TNRC6B: variants seen among roughly 807,000 people sequenced by gnomAD.
TNRC6B encodes trinucleotide repeat-containing gene 6B protein.
In TNRC6B, 52 loss-of-function variants were observed where a neutral mutation model predicts 203.6. The observed-to-expected ratio is 0.26, with a 90% CI of 0.20 to 0.32. TNRC6B has a LOEUF of 0.32. Among genes scored for constraint, TNRC6B ranks in the 10% least tolerant of loss-of-function variants. TNRC6B has a pLI of 1.00. For synonymous variants in TNRC6B, 838 were observed against 845.7 expected, an observed-to-expected ratio of 0.99 and a Z score of 0.16; for missense variants, 1,923 against 2,286.2, an observed-to-expected ratio of 0.84 and a Z score of 3.24.
Position 40,266,527 on chromosome 22 carries a change from G to T in TNRC6B, c.2297G>T (p.Ser766Ile), listed in dbSNP as rs1285359679. 6.2e-7 allele frequency: 1 copy of T among 1,613,712 alleles called. No individual in the cohort carries two copies. The highest frequency in any genetic ancestry group is 1.7e-5 in the Admixed American group (1 of 59,974). ...TKNSNWESSA[S>I]KPVSGWGEGG... ...AACAGCAATTGGGAAAGTTCTGCAA[G>T]TAAACCTGTGTCTGGGTGGGGTGAA... Residue 766 changes from serine (S) to isoleucine (I), a missense_variant, in exon 5 of 23, where the codon AGT becomes ATT. Physicochemically the swap from Ser to Ile is moderately radical, Grantham distance 142. Transcript: ENST00000454349.
Position 40,327,650 on chromosome 22 carries a change from G to A in TNRC6B, c.*4409G>A, listed in dbSNP as rs2071420159. 1 of 152,166 alleles carries A rather than the reference G, an allele frequency of 6.6e-6. No individual in the cohort carries two copies. The highest frequency in any genetic ancestry group is 2.4e-5 in the African/African-American group (1 of 41,424). The allele number at this position is 152,166 out of a possible 1,614,324, so 9.4% of individuals were successfully genotyped here. A position where few individuals can be genotyped will look rare whatever the true frequency, so the allele number is the denominator to read the frequency against. ...GATATGGTGAGGATGTCATGGAAGA[G>A]AAGAGCTCTTTCCGTGGTATTCTTT... On this transcript the variant is annotated 3_prime_UTR_variant, in exon 23 of 23. Transcript: ENST00000454349.
intron 1 of TNRC6B, among the ~76,000 whole-genome samples, chr22:40,112,175 C>A (rs1411747299): frequency 6.6e-6 from 1 of 151,908 alleles, no homozygotes; most frequent in African/African-American, 2.4e-5. Flanking sequence ...AGGAATACAC[C>A]AGTAATGAAA....
chr22:40,308,734 C>G lies in TNRC6B; in HGVS notation c.4258+85C>G, dbSNP rs565785090. 2.1e-6 allele frequency: 3 copies of G among 1,462,620 alleles called. No homozygotes were observed. The African/African-American group carries it at 4.3e-5, about 21-fold the overall frequency. The allele number at this position is 1,462,620 out of a possible 1,614,324, so 90.6% of individuals were successfully genotyped here. On this transcript the variant is annotated intron_variant, in intron 16 of 22. Coordinates refer to ENST00000454349, the MANE Select transcript of TNRC6B (RefSeq NM_001162501.2). ...TATAAGACTATTTTGAAGTACAGAA[C>G]TTGGTATTCATTTTCCTTGTGAATC...
intron 1 of TNRC6B, among the ~76,000 whole-genome samples, chr22:40,084,384 A>C (rs1053021788): frequency 6.6e-6 from 1 of 152,192 alleles, no homozygotes; most frequent in African/African-American, 2.4e-5. Context: ...AGGTCCTTCG[A>C]GCTGAGCAGT....
chr22:40,203,059 A>T (rs1374271173), intron 1 of TNRC6B, among the ~76,000 whole-genome samples: 1 of 152,146 alleles, frequency 6.6e-6, no homozygotes. Context: ...GCATTAGCTC[A>T]GTAGCAGGTT....
intron 1 of TNRC6B, among the ~76,000 whole-genome samples, chr22:40,245,311 G>A (rs2070090987): frequency 6.6e-6 from 1 of 151,802 alleles, no homozygotes; most frequent in Non-Finnish European, 1.5e-5. Flanking sequence ...GGCTGGTCTC[G>A]AACTCCTGAC....
chr22:40,258,330 G>A (rs1247799457), intron 3 of TNRC6B, among the ~76,000 whole-genome samples: 1 of 152,010 alleles, frequency 6.6e-6, no homozygotes, highest in Non-Finnish European at 1.5e-5. Flanking sequence ...TCTGGACCAT[G>A]ATGATGGGTG....
intron 1 of TNRC6B, among the ~76,000 whole-genome samples, chr22:40,060,631 T>C (rs1032437422): frequency 1.3e-5 from 2 of 152,190 alleles, no homozygotes; most frequent in Non-Finnish European, 2.9e-5. Flanking sequence ...CATATAGTCA[T>C]ACTCATGACT....
At chr22:40,175,471 C>T (rs983726614), upstream of TNRC6B, among the ~76,000 whole-genome samples, 3 of 152,140 alleles carry the variant, frequency 2.0e-5, no homozygotes, top group Non-Finnish European at 4.4e-5. Flanking sequence ...TTAACACTTA[C>T]AAGGCAACAC....
chr22:40,095,350 A>G (rs2146300138), intron 1 of TNRC6B, among the ~76,000 whole-genome samples: 1 of 152,242 alleles, frequency 6.6e-6, no homozygotes, highest in African/African-American at 2.4e-5. Flanking sequence ...GATGGTGGCA[A>G]GGCCATTTCT....
intron 3 of TNRC6B, among the ~76,000 whole-genome samples, chr22:40,132,217 G>A (rs968288856): frequency 9.9e-5 from 15 of 152,102 alleles, no homozygotes; most frequent in African/African-American, 3.1e-4. Flanking sequence ...GCCTGTTAGT[G>A]TGCACCTGTA....
chr22:40,246,162 G>A (rs1210819818), intron 2 of TNRC6B, 60 bp downstream of exon 2: 2 of 1,330,316 alleles, frequency 1.5e-6, no homozygotes, highest in Non-Finnish European at 2.1e-6. Context: ...TCCAGAACAA[G>A]AAACTGTCTT....
intron 12 of TNRC6B, among the ~76,000 whole-genome samples, chr22:40,286,958 G>T (rs1289870232): frequency 6.6e-6 from 1 of 152,136 alleles, no homozygotes; most frequent in African/African-American, 2.4e-5. Flanking sequence ...GCGCTTATTA[G>T]ATCCAACCAG....
At chr22:40,106,999 TC>T in intron 1 of TNRC6B, 1 of 1,171,186 alleles carries the variant, frequency 8.5e-7, no homozygotes, top group Non-Finnish European at 1.3e-6. Flanking sequence ...CAAAATTCCT[TC>T]ACTTTTTTCT....
chr22:40,150,166 A>G (rs1402580920), intron 3 of TNRC6B, among the ~76,000 whole-genome samples: 1 of 152,134 alleles, frequency 6.6e-6, no homozygotes, highest in African/African-American at 2.4e-5. Context: ...TCACGAGGTC[A>G]GGAGATCAAG....
At chr22:40,310,684 A>G in intron 16 of TNRC6B, 133 bp from the exon 17 acceptor site, 3 of 892,522 alleles carry the variant, frequency 3.4e-6, no homozygotes, top group East Asian at 5.6e-5. Flanking sequence ...CTCGAATGCA[A>G]CCTCTTATTC....
intron 4 of TNRC6B, among the ~76,000 whole-genome samples, chr22:40,160,490 A>AAG (rs386395439): frequency 1.3e-5 from 2 of 151,868 alleles, no homozygotes; most frequent in Non-Finnish European, 2.9e-5. Flanking sequence ...AAAAAAAAAA[A>AAG]AGAGATATTT....
At chr22:40,237,446 G>T (rs1233046254) in intron 1 of TNRC6B, among the ~76,000 whole-genome samples, 2 of 152,196 alleles carry the variant, frequency 1.3e-5, no homozygotes, top group African/African-American at 4.8e-5. Flanking sequence ...CTGGTGCCTG[G>T]CATCAAGTGA....
intron 1 of TNRC6B, among the ~76,000 whole-genome samples, chr22:40,061,822 C>G (rs1364945146): frequency 6.6e-6 from 1 of 151,970 alleles, no homozygotes; most frequent in Admixed American, 6.6e-5. Flanking sequence ...ACCTGTAATC[C>G]CAGCACTTTG....
Sources: gnomAD v4.1 joint callset for allele counts (sites outside exome capture counted in the v4.1 genomes callset) on GRCh38, gnomAD v4.1.1 for gene constraint, MANE v1.5 for transcripts, NCBI Gene and HGNC (gene_info 2026-07-23, HGNC 2026-07-21) for gene names.